The following NXPE4 variants were observed in gnomAD, a reference collection of about 807,000 sequenced individuals.
NXPE4 encodes the protein NXPE family member 4.
In NXPE4, 42 loss-of-function variants were observed where a neutral mutation model predicts 33.3. The ratio of observed to expected loss-of-function variants is 1.26; its 90% CI spans 0.98 to 1.63. The LOEUF (loss-of-function observed/expected upper bound fraction) is 1.63, where lower values mean the gene tolerates loss of function less well. NXPE4 is among the 40% of genes most tolerant of loss of function. The probability of loss-of-function intolerance (pLI) is 0.00; values close to 1 mark genes in which losing one functional copy is unlikely to be tolerated. For synonymous variants in NXPE4, 253 were observed against 234.9 expected (o/e 1.08, Z -0.71); for missense variants, 709 against 647.6 (o/e 1.09, Z -1.03).
At chr11:114,587,676 G>T (rs1342711682) in intron 2 of NXPE4, among the ~76,000 whole-genome samples, 1 of 152,174 alleles carries the variant, frequency 6.6e-6, no homozygotes, top group Non-Finnish European at 1.5e-5. Context: ...AACAGTTGGG[G>T]GGATGCCCCC....
intron 2 of NXPE4, among the ~76,000 whole-genome samples, chr11:114,592,252 A>G (rs1949473845): frequency 6.6e-6 from 1 of 152,200 alleles, no homozygotes; most frequent in Admixed American, 6.6e-5. Context: ...TGCAGACCAC[A>G]TAAACTTATA....
chr11:114,638,377 TC>T, the NXPE4 span, among the ~76,000 whole-genome samples: 1 of 152,036 alleles, frequency 6.6e-6, no homozygotes, highest in Non-Finnish European at 1.5e-5. Flanking sequence ...AAATTTTTTT[TC>T]AAAGTTTTTA....
chr11:114,675,668 T>A, the NXPE4 span, among the ~76,000 whole-genome samples: 1 of 151,942 alleles, frequency 6.6e-6, no homozygotes, highest in Non-Finnish European at 1.5e-5. Flanking sequence ...AAAATGTCCA[T>A]ACTGCCCAAA....
At chr11:114,636,981 A>T in the NXPE4 span, among the ~76,000 whole-genome samples, 1 of 152,112 alleles carries the variant, frequency 6.6e-6, no homozygotes, top group Non-Finnish European at 1.5e-5. Flanking sequence ...TATTAGGTCC[A>T]CTTGGTGCAG....
At chr11:114,621,903 C>G in the NXPE4 span, among the ~76,000 whole-genome samples, 1 of 151,376 alleles carries the variant, frequency 6.6e-6, no homozygotes, top group Non-Finnish European at 1.5e-5. Flanking sequence ...TTGTGGGTAA[C>G]CAGTTACCTG....
rs1949182532 is a variant in NXPE4 at position 114,582,747 on chromosome 11, C to T, written c.371G>A (p.Arg124Lys). The T allele has an allele frequency of 1.2e-6, 2 of 1,614,166 alleles. No individual in the cohort carries two copies. The highest frequency in any genetic ancestry group is 1.7e-6 in the Non-Finnish European group (2 of 1,180,018). The change falls in exon 3 of 6, where the codon AGG (arginine) becomes AAG (lysine). Residue 124 changes from arginine to lysine, a missense_variant. Transcript: ENST00000375478. ...GDQLHILLEV[R>K]DHLGRRKQYG... Reference sequence around the variant, plus strand: ...TTGCTTCCTGCGTCCCAAGTGGTCCCTCACCTCCAGCAGGATGTGCAGCTG... The same window carrying T: ...TTGCTTCCTGCGTCCCAAGTGGTCCTTCACCTCCAGCAGGATGTGCAGCTG...
the NXPE4 span, among the ~76,000 whole-genome samples, chr11:114,627,744 G>C: frequency 6.6e-6 from 1 of 152,112 alleles, no homozygotes; most frequent in Non-Finnish European, 1.5e-5. Context: ...AAAGAGTCAA[G>C]ACCCATCAGT....
the NXPE4 span, among the ~76,000 whole-genome samples, chr11:114,630,663 A>G: frequency 7.9e-5 from 12 of 150,998 alleles, no homozygotes; most frequent in South Asian, 2.1e-4. Context: ...AAAAGCCAAA[A>G]TTGACAAATG....
chr11:114,640,063 TA>T, the NXPE4 span, among the ~76,000 whole-genome samples: 1 of 115,894 alleles, frequency 8.6e-6, no homozygotes. Flanking sequence ...ATAATTTATT[TA>T]AAATATAATA....
the NXPE4 span, among the ~76,000 whole-genome samples, chr11:114,640,203 T>C: frequency 8.0e-6 from 1 of 124,410 alleles, no homozygotes; most frequent in South Asian, 2.6e-4. Context: ...TTATATATAT[T>C]ATATTTTAAA....
At chr11:114,641,193 C>A in the NXPE4 span, among the ~76,000 whole-genome samples, 1 of 151,472 alleles carries the variant, frequency 6.6e-6, no homozygotes, top group Non-Finnish European at 1.5e-5. Flanking sequence ...CAGAAATAAT[C>A]AAGAAGGAAT....
the NXPE4 span, among the ~76,000 whole-genome samples, chr11:114,649,059 T>G: frequency 7.2e-5 from 11 of 152,104 alleles, no homozygotes; most frequent in African/African-American, 2.7e-4. Flanking sequence ...GGTCACATGG[T>G]TATAACTGAT....
chr11:114,624,629 C>T, the NXPE4 span, among the ~76,000 whole-genome samples: 4 of 151,854 alleles, frequency 2.6e-5, no homozygotes, highest in African/African-American at 4.8e-5. Context: ...CCACTGTTAC[C>T]CAGTGGATAA....
chr11:114,664,431 G>A, the NXPE4 span, among the ~76,000 whole-genome samples: 12 of 151,662 alleles, frequency 7.9e-5, no homozygotes, highest in African/African-American at 2.2e-4. Flanking sequence ...CATTATCGTC[G>A]AAACTTACAA....
chr11:114,623,870 G>C, the NXPE4 span, among the ~76,000 whole-genome samples: 1 of 152,094 alleles, frequency 6.6e-6, no homozygotes, highest in East Asian at 1.9e-4. Context: ...GTTAACAACT[G>C]TTACCCAGGG....
At chr11:114,599,231 C>T (rs576712206), upstream of NXPE4, among the ~76,000 whole-genome samples, 1 of 152,244 alleles carries the variant, frequency 6.6e-6, no homozygotes, top group Non-Finnish European at 1.5e-5. Context: ...AAGTTCTTCA[C>T]TAAACCATAA....
chr11:114,664,732 C>T, the NXPE4 span, among the ~76,000 whole-genome samples: 1 of 152,162 alleles, frequency 6.6e-6, no homozygotes, highest in African/African-American at 2.4e-5. Flanking sequence ...ACCGTACTTC[C>T]AATTTTGAAT....
chr11:114,618,021 TAA>T, the NXPE4 span, among the ~76,000 whole-genome samples: 4 of 151,982 alleles, frequency 2.6e-5, no homozygotes, highest in South Asian at 4.1e-4. Flanking sequence ...CGCTGGATAA[TAA>T]GTGTTGCCTC....
chr11:114,587,240 G>A (rs1949324422), intron 2 of NXPE4, among the ~76,000 whole-genome samples: 1 of 152,210 alleles, frequency 6.6e-6, no homozygotes. Flanking sequence ...GGTCCCATCA[G>A]CAGGAAAACA....
Sources: allele counts gnomAD v4.1 joint callset (sites outside exome capture counted in the v4.1 genomes callset), GRCh38; gene constraint gnomAD v4.1.1; transcripts MANE v1.5; gene names NCBI Gene and HGNC (gene_info 2026-07-23, HGNC 2026-07-21).